CACNB2: variants seen among roughly 807,000 people sequenced by gnomAD.
CACNB2 encodes the protein calcium voltage-gated channel auxiliary subunit beta 2.
In CACNB2, 42 loss-of-function variants were observed where a neutral mutation model predicts 73.3. The observed-to-expected ratio is 0.57, with a 90% CI of 0.45 to 0.74. The LOEUF is 0.74. Ranked by LOEUF, CACNB2 falls within the 30% of genes least tolerant of loss-of-function variation. The pLI is 0.00. For synonymous variants in CACNB2, 348 were observed against 310.3 expected (o/e 1.12, Z -1.28); for missense variants, 940 against 853.0 (o/e 1.10, Z -1.27).
chr10:18,395,887 C>T lies in CACNB2; in HGVS notation c.214-6037C>T, dbSNP rs369758280. Among the ~76,000 whole-genome samples, 13 of 152,160 alleles carry T rather than the reference C, an allele frequency of 8.5e-5. No individual in the cohort carries two copies. The South Asian group carries it at 1.2e-3, about 15-fold the overall frequency. ...GTATACAATGTTTATGCAACTGTCC[C>T]GCATCTTGGCACGCTATGTCATTTT... On this transcript the variant is annotated intron_variant, in intron 2 of 13. Transcript: ENST00000324631.
intron 10 of CACNB2, 75 bp from the exon 11 acceptor site, chr10:18,534,001 G>A (rs1589740234): frequency 2.1e-6 from 3 of 1,447,452 alleles, no homozygotes; most frequent in South Asian, 2.3e-5. Context: ...TCACCTTTCT[G>A]TTGAAGAAAC....
chr10:18,437,953 A>G (rs2046218976), intron 3 of CACNB2, among the ~76,000 whole-genome samples: 2 of 150,230 alleles, frequency 1.3e-5, no homozygotes, highest in Admixed American at 1.3e-4. Flanking sequence ...ATTAAAACTC[A>G]GGGGAATGGC....
intron 3 of CACNB2, among the ~76,000 whole-genome samples, chr10:18,411,265 A>G (rs2044611527): frequency 6.6e-6 from 1 of 152,156 alleles, no homozygotes; most frequent in South Asian, 2.1e-4. Context: ...CCTGTGATAA[A>G]TAAAAAGAGT....
intron 3 of CACNB2, among the ~76,000 whole-genome samples, chr10:18,459,190 A>G (rs2047437183): frequency 6.6e-6 from 1 of 152,228 alleles, no homozygotes. Flanking sequence ...CTGTCAAAAG[A>G]ATATTGCTGC....
Position 18,539,468 on chromosome 10 carries a change from A to C in CACNB2, c.1727A>C (p.His576Pro). 6.2e-7 allele frequency: 1 copy of C among 1,614,036 alleles called. No individual in the cohort carries two copies. ...AYVEPKEDYS[H>P]DHVDHYASHR... Reference sequence around the variant, plus strand: ...GTAGAGCCAAAGGAAGATTATTCCCATGACCACGTGGACCACTATGCCTCA... The same window carrying C: ...GTAGAGCCAAAGGAAGATTATTCCCCTGACCACGTGGACCACTATGCCTCA... The change falls in exon 14 of 14, where the codon CAT becomes CCT. Residue 576 changes from histidine (H) to proline (P), a missense_variant. By Grantham distance (77) the His-to-Pro change is moderately conservative. Transcript: ENST00000324631.
chr10:18,271,755 T>C (rs1588901874), intron 2 of CACNB2, among the ~76,000 whole-genome samples: 1 of 152,208 alleles, frequency 6.6e-6, no homozygotes, highest in Admixed American at 6.5e-5. Flanking sequence ...GCCAGACTCC[T>C]GTGTGTGTTC....
intron 3 of CACNB2, among the ~76,000 whole-genome samples, chr10:18,421,473 A>AT (rs2045321478): frequency 6.6e-6 from 1 of 151,488 alleles, no homozygotes; most frequent in African/African-American, 2.4e-5. Flanking sequence ...AATTTTTTGT[A>AT]TTTTTTAGTA....
In CACNB2 at chr10:18,541,598, T is replaced by G. The variant is rs925608861; in HGVS notation, c.*1874T>G. The G allele has an allele frequency of 6.6e-6, 1 of 152,192 alleles. No homozygotes were observed. Among genetic ancestry groups the G allele is most frequent in the African/African-American group, 2.4e-5 (1 of 41,448 alleles). The allele number at this position is 152,192 out of a possible 1,614,324, so 9.4% of individuals were successfully genotyped here. A position where few individuals can be genotyped will look rare whatever the true frequency, so the allele number is the denominator to read the frequency against. On this transcript the variant is annotated 3_prime_UTR_variant, in exon 14 of 14. Coordinates refer to ENST00000324631, the MANE Select transcript of CACNB2 (RefSeq NM_201596.3). ...TAAATCAGCCGGGCGCAGTGGCTCA[T>G]GCCTGTAATCCCAGCAATTTGGGAG...
intron 3 of CACNB2, among the ~76,000 whole-genome samples, chr10:18,497,376 A>C (rs931821186): frequency 6.6e-6 from 1 of 152,136 alleles, no homozygotes; most frequent in African/African-American, 2.4e-5. Context: ...GGTATTAGCT[A>C]AAGAGAGAAT....
At chr10:18,449,191 T>C (rs2046891749) in intron 3 of CACNB2, among the ~76,000 whole-genome samples, 1 of 152,124 alleles carries the variant, frequency 6.6e-6, no homozygotes, top group African/African-American at 2.4e-5. Flanking sequence ...AAGACCGTCC[T>C]GGCTAACACG....
At chr10:18,489,444 C>CTT (rs111643893) in intron 3 of CACNB2, among the ~76,000 whole-genome samples, 25,949 of 131,706 alleles carry the variant, frequency 0.2, 2,693 homozygotes, top group Middle Eastern at 0.28. Context: ...TAAAATTTAA[C>CTT]TTTTTTTTTT....
chr10:18,331,565 C>G (rs1302445040), intron 2 of CACNB2, among the ~76,000 whole-genome samples: 1 of 151,824 alleles, frequency 6.6e-6, no homozygotes, highest in African/African-American at 2.4e-5. Flanking sequence ...TTACCTCTAA[C>G]TGCTTGAGAT....
chr10:18,317,386 T>G (rs955793546), intron 2 of CACNB2, among the ~76,000 whole-genome samples: 1 of 152,176 alleles, frequency 6.6e-6, no homozygotes, highest in African/African-American at 2.4e-5. Context: ...TTTTTCACCC[T>G]TTCCTACCTC....
At chr10:18,418,152 GC>G (rs1465180049) in intron 3 of CACNB2, among the ~76,000 whole-genome samples, 1 of 152,158 alleles carries the variant, frequency 6.6e-6, no homozygotes, top group Non-Finnish European at 1.5e-5. Flanking sequence ...TTGGCTCACT[GC>G]AACCTCTGCC....
At chr10:18,241,190 C>G (rs1017030772) in intron 2 of CACNB2, among the ~76,000 whole-genome samples, 9 of 152,150 alleles carry the variant, frequency 5.9e-5, no homozygotes, top group Non-Finnish European at 1.2e-4. Context: ...TAAAACCAAG[C>G]TGTGCCCTGA....
intron 2 of CACNB2, among the ~76,000 whole-genome samples, chr10:18,198,603 C>CCT (rs1415322923): frequency 1.3e-5 from 2 of 152,194 alleles, no homozygotes; most frequent in African/African-American, 4.8e-5. Context: ...GACATTCAGA[C>CCT]CTCTGTTCAA....
intron 3 of CACNB2, among the ~76,000 whole-genome samples, chr10:18,474,651 T>C (rs967065134): frequency 2.0e-5 from 3 of 152,130 alleles, no homozygotes; most frequent in Admixed American, 2.0e-4. Context: ...TTGAGAAAGA[T>C]GCAACTCAAT....
chr10:18,161,023 C>G (rs1001880105), intron 2 of CACNB2, among the ~76,000 whole-genome samples: 12 of 152,262 alleles, frequency 7.9e-5, no homozygotes, highest in Non-Finnish European at 8.8e-5. Flanking sequence ...GGTGTCTCCC[C>G]CTACCCGCCT....
chr10:18,507,780 T>TA lies in CACNB2; in HGVS notation c.670+1239dup, dbSNP rs113360415. On this transcript the variant is annotated intron_variant, in intron 6 of 13. Coordinates refer to ENST00000324631, the MANE Select transcript of CACNB2 (RefSeq NM_201596.3). ...CTAGAAAGCTGGAAATGGGAAGAGATAAAAAACAGAGAGTTGTACAACTAT... is the reference window on the plus strand; with the variant it reads ...CTAGAAAGCTGGAAATGGGAAGAGATAAAAAAACAGAGAGTTGTACAACTAT... Among the ~76,000 whole-genome samples, 6 of 152,118 alleles carry TA rather than the reference T, an allele frequency of 3.9e-5. 1 individual carries two copies. The South Asian group carries it at 1.0e-3, about 26-fold the overall frequency.
Sources: gnomAD v4.1 joint callset for allele counts (sites outside exome capture counted in the v4.1 genomes callset) on GRCh38, gnomAD v4.1.1 for gene constraint, MANE v1.5 for transcripts, NCBI Gene and HGNC (gene_info 2026-07-23, HGNC 2026-07-21) for gene names.